The following ARHGEF3 variants were observed in gnomAD, a reference collection of about 807,000 sequenced individuals.
The protein encoded by ARHGEF3 is 59.8 kDA protein.
In ARHGEF3, 28 loss-of-function variants were observed where a neutral mutation model predicts 63.2. The observed-to-expected ratio is 0.44, with a 90% CI of 0.33 to 0.61. The LOEUF (loss-of-function observed/expected upper bound fraction) is 0.61. ARHGEF3 is among the 20% of genes least tolerant of loss of function. The pLI is 0.03. For missense variants in ARHGEF3, 533 were observed against 659.3 expected, an observed-to-expected ratio of 0.81 and a Z score of 2.10; for synonymous variants, 266 against 254.2, an observed-to-expected ratio of 1.05 and a Z score of -0.44.
At chr3:56,868,026 T>A (rs972887034) in intron 4 of ARHGEF3, among the ~76,000 whole-genome samples, 22 of 152,196 alleles carry the variant, frequency 1.4e-4, no homozygotes, top group South Asian at 2.1e-4. Context: ...GGCATTTTGT[T>A]AAATACTTCT....
At chr3:56,975,120 A>T (rs1373143252) in intron 2 of ARHGEF3, among the ~76,000 whole-genome samples, 1 of 152,102 alleles carries the variant, frequency 6.6e-6, no homozygotes, top group Non-Finnish European at 1.5e-5. Context: ...TTCACTGTTT[A>T]AAAAGAACCA....
chr3:56,848,481 A>AAAT (rs917002681), intron 4 of ARHGEF3, among the ~76,000 whole-genome samples: 1 of 152,174 alleles, frequency 6.6e-6, no homozygotes, highest in African/African-American at 2.4e-5. Context: ...GTAAATGGTA[A>AAAT]AATAATAAAA....
At chr3:56,931,053 T>C (rs1458640559) in intron 3 of ARHGEF3, among the ~76,000 whole-genome samples, 1 of 152,204 alleles carries the variant, frequency 6.6e-6, no homozygotes, top group African/African-American at 2.4e-5. Context: ...GGCTTTATTA[T>C]GTTTCAAGAA....
chr3:56,884,264 T>C (rs1224348933), intron 3 of ARHGEF3, among the ~76,000 whole-genome samples: 13 of 151,576 alleles, frequency 8.6e-5, no homozygotes, highest in Admixed American at 8.5e-4. Context: ...TAGTACACAG[T>C]AGGTGCTCAA....
rs183085323 is a variant in ARHGEF3, at chr3:56,959,114, C to T, written c.63-225G>A. On this transcript the variant is annotated intron_variant, in intron 2 of 12. Transcript: ENST00000338458. ...CCCAGAGTCCCTTAAAATAGCCCTT[C>T]ATCTGTATAAAGTAAAATAAAATCT... 5.3e-5 allele frequency among the ~76,000 whole-genome samples: 8 copies of T among 152,290 alleles called. No homozygotes were observed. The East Asian group carries it at 1.5e-3, about 29-fold the overall frequency.
rs573917576 is a variant in ARHGEF3, at chr3:56,989,171, G to A, written c.63-30282C>T. Among the ~76,000 whole-genome samples the A allele has an allele frequency of 1.2e-4, 19 of 152,298 alleles. No homozygotes were observed. In the South Asian group the frequency reaches 2.9e-3, roughly 23 times the overall value. ...TCCGCTGCCGGGTGGCAAGTCTCAA[G>A]TACCCTATTTAGTTCTTTTTTAAAA... On this transcript the variant is annotated intron_variant, in intron 2 of 12. Transcript: ENST00000338458.
At position 56,980,103 on chromosome 3, in the gene ARHGEF3, G is replaced by A. The variant is rs147797204; in HGVS notation, c.63-21214C>T. 7.6e-3 allele frequency among the ~76,000 whole-genome samples: 1,158 copies of A among 152,272 alleles called. 7 individuals are homozygous for A. The highest frequency in any genetic ancestry group is 0.012 in the Non-Finnish European group (842 of 68,028). On this transcript the variant is annotated intron_variant, in intron 2 of 12. Coordinates refer to the ARHGEF3 transcript ENST00000338458. ...GCACCTCAACTTACAATGGTAAGTC[G>A]AAAATGCACTTAATACCCTTAACCT... is the stretch of plus-strand genomic sequence containing the variant.
At chr3:56,835,856 A>C (rs1039312582) in intron 4 of ARHGEF3, among the ~76,000 whole-genome samples, 5 of 152,174 alleles carry the variant, frequency 3.3e-5, no homozygotes, top group African/African-American at 9.7e-5. Flanking sequence ...TCTGGGGAAA[A>C]AAGAATACAA....
At chr3:56,858,771 T>C (rs1337916180) in intron 4 of ARHGEF3, among the ~76,000 whole-genome samples, 2 of 152,224 alleles carry the variant, frequency 1.3e-5, no homozygotes, top group Non-Finnish European at 2.9e-5. Context: ...CAATAAATTC[T>C]GGTTTATTAG....
chr3:56,825,776 T>C (rs928309529), intron 4 of ARHGEF3, among the ~76,000 whole-genome samples: 1 of 152,192 alleles, frequency 6.6e-6, no homozygotes, highest in Non-Finnish European at 1.5e-5. Context: ...TGCGGTGCAT[T>C]CTGGGGCTTT....
chr3:56,771,106 T>A lies in ARHGEF3; in HGVS notation c.204+2603A>T, dbSNP rs1202503176. On this transcript the variant is annotated intron_variant, in intron 2 of 9. Coordinates refer to ENST00000296315, the MANE Select transcript of ARHGEF3 (RefSeq NM_019555.3). ...CCAGCCCAGGCAACAAGGGTGAAACTCCATCTCAAAAAAAAAAAAAAATTA... is the reference window on the plus strand; with the variant it reads ...CCAGCCCAGGCAACAAGGGTGAAACACCATCTCAAAAAAAAAAAAAAATTA... 2.0e-5 allele frequency among the ~76,000 whole-genome samples: 3 copies of A among 148,988 alleles called. No homozygotes were observed. In the South Asian group the frequency reaches 6.4e-4, roughly 32 times the overall value.
At chr3:56,956,924 T>C (rs1578947634) in intron 3 of ARHGEF3, among the ~76,000 whole-genome samples, 1 of 152,322 alleles carries the variant, frequency 6.6e-6, no homozygotes, top group African/African-American at 2.4e-5. Context: ...ATCAATGACT[T>C]CGGGAAATGC....
chr3:56,750,536 C>T (rs747338647), intron 6 of ARHGEF3, among the ~76,000 whole-genome samples: 1 of 152,028 alleles, frequency 6.6e-6, no homozygotes, highest in Non-Finnish European at 1.5e-5. Flanking sequence ...TATAAAACTA[C>T]ATTTTGACCA....
intron 3 of ARHGEF3, among the ~76,000 whole-genome samples, chr3:56,946,762 A>T (rs942611696): frequency 1.3e-5 from 2 of 152,228 alleles, no homozygotes; most frequent in Non-Finnish European, 2.9e-5. Flanking sequence ...ATTCAAATTC[A>T]GGAAACACAG....
intron 4 of ARHGEF3, among the ~76,000 whole-genome samples, chr3:56,832,022 T>A (rs141770390): frequency 6.6e-6 from 1 of 152,312 alleles, no homozygotes; most frequent in African/African-American, 2.4e-5. Context: ...TAATGATGAC[T>A]TTGGTCGAGA....
At chr3:56,979,214 T>G (rs1001371052) in intron 2 of ARHGEF3, among the ~76,000 whole-genome samples, 1 of 152,230 alleles carries the variant, frequency 6.6e-6, no homozygotes, top group Admixed American at 6.5e-5. Context: ...GCAAAAAGAC[T>G]TACTTATTCC....
rs376382582 is a variant in ARHGEF3 at position 56,885,239 on chromosome 3, T to C, written c.130-2885A>G. On this transcript the variant is annotated intron_variant, in intron 3 of 12. Transcript: ENST00000338458. ...CCTGCCTTGGGAGGCTACAGTATTA[T>C]ACCTGAGATCTTGGGAGGTATCAGG... is the stretch of plus-strand genomic sequence containing the variant. 2.6e-5 allele frequency among the ~76,000 whole-genome samples: 4 copies of C among 152,182 alleles called. No individual in the cohort carries two copies. In the East Asian group the frequency reaches 7.7e-4, roughly 29 times the overall value.
intron 3 of ARHGEF3, among the ~76,000 whole-genome samples, chr3:56,917,608 G>A (rs1461857588): frequency 2.0e-5 from 3 of 152,182 alleles, no homozygotes. Flanking sequence ...AGGGGTCCAG[G>A]AAATAAGTGA....
chr3:56,780,425 C>G (rs1167472795), intron 1 of ARHGEF3, among the ~76,000 whole-genome samples: 1 of 152,182 alleles, frequency 6.6e-6, no homozygotes. Context: ...ACCACTACCT[C>G]TATGTTAACA....
Sources: gnomAD v4.1 joint callset for allele counts (sites outside exome capture counted in the v4.1 genomes callset) on GRCh38, gnomAD v4.1.1 for gene constraint, MANE v1.5 for transcripts, NCBI Gene and HGNC (gene_info 2026-07-23, HGNC 2026-07-21) for gene names.